The following LRRC34 variants were observed in gnomAD, a reference collection of about 807,000 sequenced individuals.
The protein encoded by LRRC34 is leucine-rich repeat-containing protein 34.
Under a neutral mutation model 48.5 loss-of-function variants are expected in LRRC34, and 44 were observed. The ratio of observed to expected loss-of-function variants is 0.91; its 90% confidence interval spans 0.71 to 1.17. LRRC34 has a LOEUF of 1.17. Ranked by LOEUF, LRRC34 falls within the 50% of genes most tolerant of loss-of-function variation. The probability of loss-of-function intolerance (pLI) is 0.00; values close to 1 mark genes in which losing one functional copy is unlikely to be tolerated. For synonymous variants in LRRC34, 192 were observed against 197.6 expected, an observed-to-expected ratio of 0.97 and a Z score of 0.24; for missense variants, 502 against 563.0, an observed-to-expected ratio of 0.89 and a Z score of 1.10.
At position 169,796,209 on chromosome 3, in the gene LRRC34, C is replaced by G; in HGVS notation, c.1064+5G>C. Reference sequence around the variant, plus strand: ...TATTTTGATTAAATATAAAACCATACTAACGCTTTAAGACTCCTGTTGTGT... The same window carrying G: ...TATTTTGATTAAATATAAAACCATAGTAACGCTTTAAGACTCCTGTTGTGT... On this transcript the variant is annotated splice_donor_5th_base_variant and intron_variant, in intron 9 of 10. Transcript: ENST00000446859. The G allele has an allele frequency of 1.3e-6, 2 of 1,593,578 alleles. No homozygotes were observed. The highest frequency in any genetic ancestry group is 1.2e-5 in the South Asian group (1 of 86,102).
chr3:169,806,647 A>C (rs1779385224), intron 5 of LRRC34, among the ~76,000 whole-genome samples: 1 of 152,226 alleles, frequency 6.6e-6, no homozygotes, highest in Non-Finnish European at 1.5e-5. Flanking sequence ...TATTTTATGT[A>C]TGTGAGTTAA....
intron 4 of LRRC34, 119 bp downstream of exon 4, chr3:169,807,307 G>A (rs1033587863): frequency 3.1e-6 from 3 of 969,648 alleles, no homozygotes; most frequent in African/African-American, 1.6e-5. Context: ...TATTTCGAGT[G>A]TTCTAGCACA....
rs1180631933 is a variant in LRRC34, at chr3:169,812,804, G to T, written c.-256C>A. The T allele has an allele frequency of 4.1e-6, 2 of 486,786 alleles. No homozygotes were observed. The highest frequency in any genetic ancestry group is 7.1e-6 in the Non-Finnish European group (2 of 280,918). 30.2% of individuals were successfully genotyped at this position (486,786 alleles called of 1,614,324 possible). On this transcript the variant is annotated 5_prime_UTR_variant, in exon 1 of 11. Coordinates refer to ENST00000446859, the MANE Select transcript of LRRC34 (RefSeq NM_001172779.2). The surrounding 1 kb of genome is among the most constrained non-coding windows in gnomAD (Gnocchi z 4.3). ...GGGGCTCCGCTGCTGAGCTAGGGCTGGGGCTACAAAGAAGATTATGACAAA... is the reference window on the plus strand; with the variant it reads ...GGGGCTCCGCTGCTGAGCTAGGGCTTGGGCTACAAAGAAGATTATGACAAA...
At chr3:169,807,385 A>G (rs1371598992) in intron 4 of LRRC34, 41 bp downstream of exon 4, 2 of 1,568,972 alleles carry the variant, frequency 1.3e-6, no homozygotes, top group Non-Finnish European at 1.8e-6. Flanking sequence ...AATTGGTTTC[A>G]TTGTAAATGG....
chr3:169,801,456 T>G (rs1434954908), intron 6 of LRRC34, among the ~76,000 whole-genome samples: 1 of 152,232 alleles, frequency 6.6e-6, no homozygotes, highest in Admixed American at 6.5e-5. Context: ...TCAGATGGCT[T>G]CTTCTTGCCA....
At chr3:169,811,624 CAG>C (rs1779572559) in intron 1 of LRRC34, among the ~76,000 whole-genome samples, 1 of 152,306 alleles carries the variant, frequency 6.6e-6, no homozygotes, top group South Asian at 2.1e-4. Flanking sequence ...TAACAATTTC[CAG>C]AGAGAGGACT....
chr3:169,810,129 C>T (rs1047676121), intron 1 of LRRC34, among the ~76,000 whole-genome samples: 10 of 151,246 alleles, frequency 6.6e-5, no homozygotes, highest in African/African-American at 1.7e-4. Flanking sequence ...GCTATAAAGA[C>T]GGGGTTTCAC....
intron 3 of LRRC34, 24 bp downstream of exon 3, chr3:169,807,564 G>A (rs745672261): frequency 6.2e-7 from 1 of 1,611,890 alleles, no homozygotes; most frequent in Non-Finnish European, 8.5e-7. Flanking sequence ...AAAGCAGGAG[G>A]TATTGATTCT....
intron 9 of LRRC34, 159 bp downstream of exon 9, chr3:169,796,055 G>GA (rs1778974720): frequency 2.3e-6 from 3 of 1,306,156 alleles, no homozygotes; most frequent in South Asian, 4.5e-5. Flanking sequence ...CATTACATTT[G>GA]AAAAATAGAA....
chr3:169,811,372 A>G (rs1410120122), intron 1 of LRRC34, among the ~76,000 whole-genome samples: 1 of 152,244 alleles, frequency 6.6e-6, no homozygotes, highest in Admixed American at 6.5e-5. Context: ...CAAGCTAGCC[A>G]GAGATTTACA....
intron 7 of LRRC34, among the ~76,000 whole-genome samples, chr3:169,800,327 T>C (rs1779145573): frequency 6.6e-6 from 1 of 152,234 alleles, no homozygotes; most frequent in Non-Finnish European, 1.5e-5. Flanking sequence ...ACTGGGCTCT[T>C]ATAGTCTGGC....
Position 169,812,569 on chromosome 3 carries a change from C to T in LRRC34, c.-21G>A. 2 of 1,464,416 alleles carry T rather than the reference C, an allele frequency of 1.4e-6. No homozygotes were observed. The highest frequency in any genetic ancestry group is 1.8e-6 in the Non-Finnish European group (2 of 1,115,148). The allele number at this position is 1,464,416 out of a possible 1,614,324, so 90.7% of individuals were successfully genotyped here. A position where few individuals can be genotyped will look rare whatever the true frequency, so the allele number is the denominator to read the frequency against. On this transcript the variant is annotated 5_prime_UTR_variant, in exon 1 of 11. Coordinates refer to ENST00000446859, the MANE Select transcript of LRRC34 (RefSeq NM_001172779.2). The surrounding 1 kb of genome is among the most constrained non-coding windows in gnomAD (Gnocchi z 4.3). ...GCCATGGCGACCGCGCGCGCACTTACAGTCCGCCTGCAGCTGTGAGGCGGC... is the reference window on the plus strand; with the variant it reads ...GCCATGGCGACCGCGCGCGCACTTATAGTCCGCCTGCAGCTGTGAGGCGGC...
chr3:169,808,807 TA>T, intron 1 of LRRC34, 62 bp from the exon 2 acceptor site: 1 of 915,852 alleles, frequency 1.1e-6, no homozygotes, highest in Non-Finnish European at 1.7e-6. Context: ...AAAAAAACCA[TA>T]AAAACTACCT....
Position 169,807,720 on chromosome 3 carries a change from A to C in LRRC34, c.258-11T>G, listed in dbSNP as rs151027788. On this transcript the variant is annotated splice_polypyrimidine_tract_variant and intron_variant, in intron 2 of 10. Coordinates refer to ENST00000446859, the MANE Select transcript of LRRC34 (RefSeq NM_001172779.2). Reference sequence around the variant, plus strand: ...ATTCCTGCTGCTAGCCTGTTAAAATACAAAAAAAAAAAAAAAAAAAAAAGA... The same window carrying C: ...ATTCCTGCTGCTAGCCTGTTAAAATCCAAAAAAAAAAAAAAAAAAAAAAGA... 1 of 1,345,538 alleles carries C rather than the reference A, an allele frequency of 7.4e-7. No individual in the cohort carries two copies. Among genetic ancestry groups the C allele is most frequent in the Admixed American group, 2.7e-5 (1 of 36,442 alleles). The allele number at this position is 1,345,538 out of a possible 1,614,324, so 83.3% of individuals were successfully genotyped here.
chr3:169,802,817 A>G (rs892705157), intron 6 of LRRC34, among the ~76,000 whole-genome samples: 1 of 151,422 alleles, frequency 6.6e-6, no homozygotes, highest in African/African-American at 2.4e-5. Flanking sequence ...TACTAAAAAT[A>G]CAAAAAAAAA....
Position 169,807,704 on chromosome 3 carries a change from G to C in LRRC34, c.263C>G (p.Ala88Gly). The stretch of plus-strand genomic sequence containing the variant: ...AGCAATGTTTAATGTGATTCCTGCT[G>C]CTAGCCTGTTAAAATACAAAAAAAA... ...EVDEEIKKGL[A>G]AGITLNIAGN... Residue 88 changes from alanine to glycine, a missense_variant, in exon 3 of 11, where the codon GCA (alanine) becomes GGA (glycine). Ala to Gly is a moderately conservative substitution (Grantham distance 60, BLOSUM62 0). Coordinates refer to ENST00000446859, the MANE Select transcript of LRRC34 (RefSeq NM_001172779.2). 1 of 1,419,592 alleles carries C rather than the reference G, an allele frequency of 7.0e-7. No individual in the cohort carries two copies. Among genetic ancestry groups the C allele is most frequent in the East Asian group, 2.5e-5 (1 of 40,022 alleles). The allele number at this position is 1,419,592 out of a possible 1,614,324, so 87.9% of individuals were successfully genotyped here. A position where few individuals can be genotyped will look rare whatever the true frequency, so the allele number is the denominator to read the frequency against.
chr3:169,808,781 T>A, intron 1 of LRRC34, 36 bp from the exon 2 acceptor site: 5 of 1,165,096 alleles, frequency 4.3e-6, no homozygotes, highest in Non-Finnish European at 6.3e-6. Context: ...ACATATAAAT[T>A]ATTCTAGAAG....
chr3:169,803,210 T>A (rs1378045824), intron 6 of LRRC34, among the ~76,000 whole-genome samples: 1 of 152,174 alleles, frequency 6.6e-6, no homozygotes, highest in Non-Finnish European at 1.5e-5. Context: ...TTATCTTTTT[T>A]AATAATTTTT....
intron 6 of LRRC34, 73 bp from the exon 7 acceptor site, chr3:169,800,827 C>G (rs1055192085): frequency 1.1e-6 from 1 of 904,560 alleles, no homozygotes; most frequent in Non-Finnish European, 1.7e-6. Context: ...ATTTCAAGAT[C>G]AGCTATCTGC....
Sources: allele counts gnomAD v4.1 joint callset (sites outside exome capture counted in the v4.1 genomes callset), GRCh38; gene constraint gnomAD v4.1.1; non-coding constraint Gnocchi (gnomAD v3.1); transcripts MANE v1.5; gene names NCBI Gene and HGNC (gene_info 2026-07-23, HGNC 2026-07-21).